Variants in SEC16A observed in about 807,000 individuals in gnomAD.
SEC16A encodes protein transport protein Sec16A.
Under a neutral mutation model 221.9 loss-of-function variants are expected in SEC16A, and 110 were observed. The observed-to-expected ratio is 0.50, with a 90% CI of 0.42 to 0.58. The LOEUF is 0.58. Ranked by LOEUF, SEC16A falls within the 20% of genes least tolerant of loss-of-function variation. SEC16A has a pLI of 0.00. For missense variants in SEC16A, 3,165 were observed against 3,097.8 expected (o/e 1.02, Z -0.52); for synonymous variants, 1,393 against 1,257.7 (o/e 1.11, Z -2.28).
In SEC16A at chr9:136,441,743, A is replaced by T. The variant is rs749317832; in HGVS notation, c.*12T>A. ...GTCAGGGCTCCAAGTGCAAGTTCAC[A>T]GCAGGGCAAGCCTAGTTCAGCACCA... is the stretch of plus-strand genomic sequence containing the variant. On this transcript the variant is annotated 3_prime_UTR_variant, in exon 32 of 32. Coordinates refer to ENST00000684901, the MANE Select transcript of SEC16A (RefSeq NM_014866.2). The T allele has an allele frequency of 2.5e-6, 4 of 1,613,026 alleles. No individual in the cohort carries two copies. Among genetic ancestry groups the T allele is most frequent in the Non-Finnish European group, 3.4e-6 (4 of 1,179,540 alleles).
intron 11 of SEC16A, 78 bp downstream of exon 11, chr9:136,463,382 GCTC>G: frequency 6.5e-7 from 1 of 1,549,134 alleles, no homozygotes; most frequent in Non-Finnish European, 8.8e-7. Context: ...ATCCCGCCCT[GCTC>G]CTTCGGGAGG....
chr9:136,444,973 C>A, intron 30 of SEC16A, 79 bp downstream of exon 30: 1 of 1,310,354 alleles, frequency 7.6e-7, no homozygotes. Context: ...GCGCACGTGG[C>A]GAACCGGCAC....
At position 136,440,232 on chromosome 9, in the gene SEC16A, G is replaced by C. The variant is rs541811606; in HGVS notation, c.*1523C>G. On this transcript the variant is annotated 3_prime_UTR_variant, in exon 32 of 32. Transcript: ENST00000684901. ...TCGTGGCAGTCGACCCCAGAACAGC[G>C]GGCAGAGCCGACCGGAAGAGGTCCC... The C allele has an allele frequency of 6.6e-6, 1 of 152,356 alleles. No individual in the cohort carries two copies. Among genetic ancestry groups the C allele is most frequent in the South Asian group, 2.1e-4 (1 of 4,828 alleles). The allele number at this position is 152,356 out of a possible 1,614,324, so 9.4% of individuals were successfully genotyped here.
intron 8 of SEC16A, among the ~76,000 whole-genome samples, chr9:136,464,944 A>G (rs1839959378): frequency 6.6e-6 from 1 of 152,112 alleles, no homozygotes; most frequent in African/African-American, 2.4e-5. Context: ...CAAAAAGGAC[A>G]GCAAAACACC....
At position 136,445,094 on chromosome 9, in the gene SEC16A, T is replaced by C; in HGVS notation, c.6885A>G (p.Ser2295=). Residue 2295 remains serine, a synonymous_variant, in exon 30 of 32, where the codon TCA becomes TCG. Transcript: ENST00000684901. ...SQGGELSRCS[S]MSSLSREVSQ... ...TCACTTCACGTGATAATGAACTCAT[T>C]GAACTACAGCGCGAAAGCTACAAAA... The C allele has an allele frequency of 1.2e-6, 2 of 1,607,244 alleles. No homozygotes were observed. Among genetic ancestry groups the C allele is most frequent in the Non-Finnish European group, 1.7e-6 (2 of 1,176,964 alleles).
At chr9:136,463,157 A>G in intron 11 of SEC16A, 25 bp from the exon 12 acceptor site, 4 of 1,604,664 alleles carry the variant, frequency 2.5e-6, no homozygotes, top group Non-Finnish European at 3.4e-6. Context: ...AGGAACAGGA[A>G]GGAGAACAAC....
chr9:136,461,078 A>T (rs1352831037), intron 13 of SEC16A, 99 bp downstream of exon 13: 8 of 883,440 alleles, frequency 9.1e-6, no homozygotes, highest in Non-Finnish European at 1.5e-5. Flanking sequence ...AGCACAGTCA[A>T]GTGAGATCCG....
At position 136,456,129 on chromosome 9, in the gene SEC16A, T is replaced by C; in HGVS notation, c.5588A>G (p.Lys1863Arg). Reference sequence around the variant, plus strand: ...CAAGGACTCCTCTTCTGGCTTCTCTTTCAGCTGGGGATCGAAGAGTCGTAA... The same window carrying C: ...CAAGGACTCCTCTTCTGGCTTCTCTCTCAGCTGGGGATCGAAGAGTCGTAA... ...SQLRLFDPQL[K>R]EKPEEESLAA... The change falls in exon 19 of 32, where the codon AAA (lysine) becomes AGA (arginine). Residue 1863 changes from lysine to arginine, a missense_variant. By Grantham distance (26) the Lys-to-Arg change is conservative. Coordinates refer to ENST00000684901, the MANE Select transcript of SEC16A (RefSeq NM_014866.2). 1 of 1,612,568 alleles carries C rather than the reference T, an allele frequency of 6.2e-7. No individual in the cohort carries two copies. Among genetic ancestry groups the C allele is most frequent in the Non-Finnish European group, 8.5e-7 (1 of 1,179,800 alleles).
At chr9:136,482,424 C>G (rs1842499820) in intron 1 of SEC16A, among the ~76,000 whole-genome samples, 1 of 152,204 alleles carries the variant, frequency 6.6e-6, no homozygotes, top group Non-Finnish European at 1.5e-5. Context: ...TACTGTAACA[C>G]TTCCATCACA....
chr9:136,447,328 G>A lies in SEC16A; in HGVS notation c.6596C>T (p.Pro2199Leu), dbSNP rs1269150452. ...CGGCTCGCTCCGCTGGGTCCCGCTT[G>A]GGTTCAGGACGTCAACGTAGCGAGC... ...TRARYVDVLNPSGTQRSEPAL... is the reference protein window; with the variant it reads ...TRARYVDVLNLSGTQRSEPAL... Residue 2199 changes from proline (P) to leucine (L), a missense_variant, in exon 27 of 32, where the codon CCA becomes CTA. Around this residue, in one of 3 missense-constraint regions of SEC16A, gnomAD observed 1,088 missense variants for 1,089.6 expected, o/e 1.00. Transcript: ENST00000684901. The surrounding 1 kb of genome is among the most constrained non-coding windows in gnomAD (Gnocchi z 5.5). 1 of 1,598,032 alleles carries A rather than the reference G, an allele frequency of 6.3e-7. No homozygotes were observed. Among genetic ancestry groups the A allele is most frequent in the African/African-American group, 1.3e-5 (1 of 74,828 alleles).
Position 136,475,664 on chromosome 9 carries a change from A to C in SEC16A, c.1952T>G (p.Leu651Arg). 4 of 1,613,806 alleles carry C rather than the reference A, an allele frequency of 2.5e-6. No homozygotes were observed. The highest frequency in any genetic ancestry group is 3.4e-6 in the Non-Finnish European group (4 of 1,179,870). ...RQKQCRPAAA[L>R]PDASPGNLEQ... is the part of the protein sequence containing the mutation. Reference sequence around the variant, plus strand: ...CAGGTTGCCAGGGGAAGCATCGGGCAGGGCGGCAGCTGGTCTGCACTGCTT... The same window carrying C: ...CAGGTTGCCAGGGGAAGCATCGGGCCGGGCGGCAGCTGGTCTGCACTGCTT... Residue 651 changes from leucine to arginine, a missense_variant, in exon 3 of 32, where the codon CTG becomes CGG. Leu to Arg is a moderately radical substitution (Grantham distance 102). Around this residue, in one of 3 missense-constraint regions of SEC16A, gnomAD observed 2,030 missense variants for 1,923.1 expected, o/e 1.06. Transcript: ENST00000684901. This position sits in a 1 kb window ranked among gnomAD's most constrained non-coding sequence, Gnocchi z 5.0.
At chr9:136,483,875 G>A (rs1842717670), upstream of SEC16A, 42 of 900,506 alleles carry the variant, frequency 4.7e-5, no homozygotes, top group Non-Finnish European at 5.4e-5. Context: ...TGGTTGCCTG[G>A]TTACGGCGTG....
chr9:136,483,730 G>T, upstream of SEC16A: 1 of 985,442 alleles, frequency 1.0e-6, no homozygotes, highest in Non-Finnish European at 1.2e-6. Flanking sequence ...GCTGAGAAGC[G>T]CGGGGCCCTG....
chr9:136,472,264 C>T (rs1031608514), intron 3 of SEC16A, among the ~76,000 whole-genome samples, 153 bp from the exon 4 acceptor site: 2 of 152,272 alleles, frequency 1.3e-5, no homozygotes, highest in African/African-American at 4.8e-5. Flanking sequence ...CTAGAAACAT[C>T]GCAGATGGCT....
Position 136,477,547 on chromosome 9 carries a change from G to A in SEC16A, c.69C>T (p.Ser23=), listed in dbSNP as rs754365697. ...TGTAAGGGCTGCTAGCCCAGAACAC[G>A]CTCCGAGGATTCCCGGCTGGAGGTG... is the stretch of plus-strand genomic sequence containing the variant. The part of the protein sequence containing the change: ...AGPPPAGNPR[S]VFWASSPYRR... The change falls in exon 3 of 32, where the codon AGC becomes AGT. Residue 23 remains serine (S), a synonymous_variant. Coordinates refer to ENST00000684901, the MANE Select transcript of SEC16A (RefSeq NM_014866.2). The A allele has an allele frequency of 9.9e-6, 16 of 1,613,346 alleles. No homozygotes were observed. Among genetic ancestry groups the A allele is most frequent in the Middle Eastern group, 1.6e-4 (1 of 6,062 alleles).
chr9:136,475,757 C>A lies in SEC16A; in HGVS notation c.1859G>T (p.Gly620Val). Residue 620 changes from glycine (G) to valine (V), a missense_variant, in exon 3 of 32, where the codon GGG becomes GTG. By Grantham distance (109) the Gly-to-Val change is moderately radical (BLOSUM62 -3). This residue lies in a region of SEC16A where 2,030 missense variants were observed against 1,923.1 expected (regional missense o/e 1.06). Transcript: ENST00000684901. The surrounding 1 kb of genome is among the most constrained non-coding windows in gnomAD (Gnocchi z 5.0). ...GCGATCTGCCTCAAATGGTTTTACC[C>A]CAACTAAGTGAGATTTTACCGGTTC... is the stretch of plus-strand genomic sequence containing the variant. ...SFEPVKSHLV[G>V]VKPFEADRAN... is the part of the protein sequence containing the mutation. 1 of 1,604,842 alleles carries A rather than the reference C, an allele frequency of 6.2e-7. No homozygotes were observed.
chr9:136,464,107 C>T (rs1225537107), intron 9 of SEC16A, among the ~76,000 whole-genome samples: 1 of 150,888 alleles, frequency 6.6e-6, no homozygotes, highest in Non-Finnish European at 1.5e-5. Context: ...TGGGCAGCAC[C>T]GGGCCCACCC....
chr9:136,474,980 G>A lies in SEC16A; in HGVS notation c.2636C>T (p.Ser879Phe). 2 of 1,580,146 alleles carry A rather than the reference G, an allele frequency of 1.3e-6. No individual in the cohort carries two copies. The highest frequency in any genetic ancestry group is 1.1e-5 in the South Asian group (1 of 88,374). Reference sequence around the variant, plus strand: ...CCCAGACAAAGAAGTGTTCTCCCCAGAATCACCACCGAGAGCCCAACTGCT... The same window carrying A: ...CCCAGACAAAGAAGTGTTCTCCCCAAAATCACCACCGAGAGCCCAACTGCT... Reference protein sequence around the residue: ...AVSSWALGGDSGENTSLSGIP... With the variant: ...AVSSWALGGDFGENTSLSGIP... The change falls in exon 3 of 32, where the codon TCT (serine) becomes TTT (phenylalanine). Residue 879 changes from serine (S) to phenylalanine (F), a missense_variant. Coordinates refer to ENST00000684901, the MANE Select transcript of SEC16A (RefSeq NM_014866.2).
At chr9:136,465,577 G>A (rs1320520224) in intron 8 of SEC16A, among the ~76,000 whole-genome samples, 1 of 152,232 alleles carries the variant, frequency 6.6e-6, no homozygotes, top group Non-Finnish European at 1.5e-5. Flanking sequence ...AGGGAACTCT[G>A]ACTGACACGC....
Sources: gnomAD v4.1 joint callset for allele counts (sites outside exome capture counted in the v4.1 genomes callset) on GRCh38, gnomAD v4.1.1 for gene constraint, gnomAD v4.1.1 regional missense constraint, Gnocchi (gnomAD v3.1) non-coding constraint, MANE v1.5 for transcripts, NCBI Gene and HGNC (gene_info 2026-07-23, HGNC 2026-07-21) for gene names.